Variants in CACNA1H observed in about 807,000 individuals in gnomAD.
CACNA1H encodes the protein calcium voltage-gated channel subunit alpha1 H, also known as voltage-dependent T-type calcium channel subunit alpha-1H.
Under a neutral mutation model 192.5 loss-of-function variants are expected in CACNA1H, and 149 were observed. The observed-to-expected ratio is 0.77, with a 90% confidence interval of 0.68 to 0.89. CACNA1H has a LOEUF of 0.89. Among genes scored for constraint, CACNA1H ranks in the 40% least tolerant of loss-of-function variants. CACNA1H has a pLI of 0.00. For synonymous variants in CACNA1H, 2,202 were observed against 1,475.2 expected (o/e 1.49, Z -11.29); for missense variants, 4,257 against 3,423.5 (o/e 1.24, Z -6.08).
intron 2 of CACNA1H, among the ~76,000 whole-genome samples, chr16:1,166,327 C>T (rs749261752): frequency 6.6e-5 from 10 of 152,212 alleles, no homozygotes; most frequent in Non-Finnish European, 1.2e-4. Flanking sequence ...TGCTCAGCTC[C>T]GTGGCTCCAG....
chr16:1,160,228 T>G (rs1051308082), intron 2 of CACNA1H: 1 of 152,166 alleles, frequency 6.6e-6, no homozygotes, highest in Non-Finnish European at 1.5e-5. Context: ...TCCTCGTCAG[T>G]GGGCATTCCC....
At chr16:1,162,305 G>A (rs1172695625) in intron 2 of CACNA1H, among the ~76,000 whole-genome samples, 1 of 152,088 alleles carries the variant, frequency 6.6e-6, no homozygotes, top group Admixed American at 6.5e-5. Context: ...TCACAGCTGC[G>A]AGCAGGGGTG....
chr16:1,186,935 G>C (rs545973401), intron 2 of CACNA1H, among the ~76,000 whole-genome samples: 1 of 152,186 alleles, frequency 6.6e-6, no homozygotes, highest in Admixed American at 6.5e-5. Flanking sequence ...ACGGACACAG[G>C]GCTGGTTCCC....
Position 1,205,106 on chromosome 16 carries a change from G to C in CACNA1H, c.2452-8G>C, listed in dbSNP as rs372868138. 12 of 1,609,224 alleles carry C rather than the reference G, an allele frequency of 7.5e-6. No homozygotes were observed. The highest frequency in any genetic ancestry group is 2.7e-5 in the African/African-American group (2 of 74,880). ...GGCCTCCTGAACTGTCCCCACCTCT[G>C]CCTGCAGCCCGAGGAGCTGACTAAT... On this transcript the variant is annotated splice_polypyrimidine_tract_variant and splice_region_variant and intron_variant, in intron 10 of 34. Coordinates refer to ENST00000348261, the MANE Select transcript of CACNA1H (RefSeq NM_021098.3).
At chr16:1,156,809 T>C (rs1027311210) in intron 2 of CACNA1H, among the ~76,000 whole-genome samples, 3 of 151,986 alleles carry the variant, frequency 2.0e-5, no homozygotes, top group Non-Finnish European at 4.4e-5. Flanking sequence ...AGGGCCCGCG[T>C]TTATCCCTGA....
At chr16:1,215,913 G>A (rs1264838153) in intron 30 of CACNA1H, among the ~76,000 whole-genome samples, 1 of 152,098 alleles carries the variant, frequency 6.6e-6, no homozygotes, top group African/African-American at 2.4e-5. Context: ...GGTGTGTGTG[G>A]GCACAGGAAT....
rs541353498 is a variant in CACNA1H, at chr16:1,167,754, A to G, written c.299+13718A>G. On this transcript the variant is annotated intron_variant, in intron 2 of 34. Coordinates refer to ENST00000348261, the MANE Select transcript of CACNA1H (RefSeq NM_021098.3). The surrounding 1 kb of genome is among the most constrained non-coding windows in gnomAD (Gnocchi z 4.2). Reference sequence around the variant, plus strand: ...CCTGAAAGGAGCCCACCCCTCCTTCAGGGACACACCCAGACACGGGAAACG... The same window carrying G: ...CCTGAAAGGAGCCCACCCCTCCTTCGGGGACACACCCAGACACGGGAAACG... 7.9e-5 allele frequency among the ~76,000 whole-genome samples: 12 copies of G among 152,096 alleles called. No homozygotes were observed.
chr16:1,196,110 C>A, intron 5 of CACNA1H, 87 bp downstream of exon 5: 1 of 1,069,094 alleles, frequency 9.4e-7, no homozygotes, highest in Non-Finnish European at 1.4e-6. Flanking sequence ...CCCCCAGGAG[C>A]ACAGGACTGG....
intron 2 of CACNA1H, among the ~76,000 whole-genome samples, chr16:1,171,062 A>G (rs1197775358): frequency 2.6e-5 from 4 of 151,156 alleles, no homozygotes; most frequent in African/African-American, 7.3e-5. Context: ...CTTCCTGCAC[A>G]CCCTTGGCTC....
chr16:1,183,956 T>C (rs1965730272), intron 2 of CACNA1H, among the ~76,000 whole-genome samples: 2 of 152,216 alleles, frequency 1.3e-5, no homozygotes, highest in Admixed American at 1.3e-4. Context: ...CCATGCCGCC[T>C]GGGGAAGGTG....
At chr16:1,194,783 G>GC (rs1184892351) in intron 2 of CACNA1H, among the ~76,000 whole-genome samples, 189 bp from the exon 3 acceptor site, 3 of 152,196 alleles carry the variant, frequency 2.0e-5, no homozygotes, top group Non-Finnish European at 4.4e-5. Context: ...CCAGGCGCAG[G>GC]CCCCAGGCGC....
At chr16:1,182,689 AGAGCAGACT>A (rs1024617400) in intron 2 of CACNA1H, among the ~76,000 whole-genome samples, 12 of 152,274 alleles carry the variant, frequency 7.9e-5, no homozygotes, top group African/African-American at 2.9e-4. Flanking sequence ...ATTGAGACTC[AGAGCAGACT>A]GGGGGTTGGC....
In CACNA1H at chr16:1,153,885, C is replaced by G. The variant is rs1208126657; in HGVS notation, c.148C>G (p.Pro50Ala). Residue 50 changes from proline (P) to alanine (A), a missense_variant, in exon 2 of 35, where the codon CCC becomes GCC. Physicochemically the swap from Pro to Ala is conservative, Grantham distance 27. Transcript: ENST00000348261. ...GCGGGGGTCCGAGCTCGGCGTGTCA[C>G]CCTCCGAGAGCCCGGCGGCCGAGCG... ...AERGSELGVS[P>A]SESPAAERGA... 1.4e-6 allele frequency: 2 copies of G among 1,436,082 alleles called. No homozygotes were observed. The highest frequency in any genetic ancestry group is 1.8e-6 in the Non-Finnish European group (2 of 1,093,664). The allele number at this position is 1,436,082 out of a possible 1,614,324, so 89.0% of individuals were successfully genotyped here.
chr16:1,204,635 G>A lies in CACNA1H; in HGVS notation c.2451+177G>A, dbSNP rs116519445. On this transcript the variant is annotated intron_variant, in intron 10 of 34. Transcript: ENST00000348261. Reference sequence around the variant, plus strand: ...CAGGTGTGCCGAGCCTCCACTGGAGGGGATCTCCTTGGATTCCTGGCCTCC... The same window carrying A: ...CAGGTGTGCCGAGCCTCCACTGGAGAGGATCTCCTTGGATTCCTGGCCTCC... Among the ~76,000 whole-genome samples the A allele has an allele frequency of 6.8e-3, 1,036 of 152,324 alleles. 7 individuals are homozygous for A. Among genetic ancestry groups the A allele is most frequent in the African/African-American group, 0.024 (977 of 41,554 alleles).
In CACNA1H at chr16:1,215,891, G is replaced by A. The variant is rs71380250; in HGVS notation, c.5244+298G>A. ...GAGGGATGCAGGCAGAGGGCAGCAG[G>A]TGGCCAAGGTGGGTGTGTGTGGGCA... On this transcript the variant is annotated intron_variant, in intron 30 of 34. Transcript: ENST00000348261. 0.037 allele frequency among the ~76,000 whole-genome samples: 5,687 copies of A among 152,254 alleles called. 158 individuals carry two copies. The highest frequency in any genetic ancestry group is 0.088 in the Middle Eastern group (26 of 294).
chr16:1,212,229 C>T (rs767139510), intron 25 of CACNA1H, 91 bp downstream of exon 25: 114 of 1,471,890 alleles, frequency 7.7e-5, no homozygotes, highest in Non-Finnish European at 1.0e-4. Context: ...CCCGGCCTCC[C>T]CGAATGGCTC....
chr16:1,176,393 C>T (rs560861572), intron 2 of CACNA1H, among the ~76,000 whole-genome samples: 12 of 152,278 alleles, frequency 7.9e-5, no homozygotes, highest in South Asian at 6.2e-4. Context: ...GGGCTGTCCC[C>T]GCAGAGTGGG....
At position 1,186,129 on chromosome 16, in the gene CACNA1H, T is replaced by C. The variant is rs1250777917; in HGVS notation, c.300-8843T>C. Among the ~76,000 whole-genome samples the C allele has an allele frequency of 5.5e-5, 6 of 108,610 alleles. 1 individual carries two copies. Among genetic ancestry groups the C allele is most frequent in the African/African-American group, 1.5e-4 (4 of 26,704 alleles). 71.3% of individuals were successfully genotyped at this position (108,610 alleles called of 152,430 possible). A position where few individuals can be genotyped will look rare whatever the true frequency, so the allele number is the denominator to read the frequency against. On this transcript the variant is annotated intron_variant, in intron 2 of 34. Transcript: ENST00000348261. ...GCGTGCGTAGGGGCCGGAGGCGGGG[T>C]GTGTACGGGGCGGGTGACTAGACGG...
chr16:1,178,250 G>A (rs866333985), intron 2 of CACNA1H, among the ~76,000 whole-genome samples: 76 of 129,944 alleles, frequency 5.8e-4, no homozygotes, highest in Middle Eastern at 9.1e-3. Context: ...TCCTGCCCCG[G>A]CTCCTTGGAT....
Sources: gnomAD v4.1 joint callset for allele counts (sites outside exome capture counted in the v4.1 genomes callset) on GRCh38, gnomAD v4.1.1 for gene constraint, Gnocchi (gnomAD v3.1) non-coding constraint, MANE v1.5 for transcripts, NCBI Gene and HGNC (gene_info 2026-07-23, HGNC 2026-07-21) for gene names.